ZNF138: variants seen among roughly 807,000 people sequenced by gnomAD.
ZNF138 encodes zinc finger protein 138 (clone pHZ-32).
In ZNF138, 33 loss-of-function variants were observed where a neutral mutation model predicts 33.0. That is an observed-to-expected ratio of 1.00 (90% CI 0.76 to 1.34). The LOEUF (loss-of-function observed/expected upper bound fraction) is 1.34. Ranked by LOEUF, ZNF138 falls within the 40% of genes most tolerant of loss-of-function variation. The probability of loss-of-function intolerance (pLI) is 0.00; values close to 1 mark genes in which losing one functional copy is unlikely to be tolerated. For missense variants in ZNF138, 360 were observed against 370.8 expected, an observed-to-expected ratio of 0.97 and a Z score of 0.24; for synonymous variants, 139 against 120.4, an observed-to-expected ratio of 1.15 and a Z score of -1.01.
chr7:64,796,454 CACTT>C (rs113266338), intron 1 of ZNF138, among the ~76,000 whole-genome samples: 43,164 of 151,788 alleles, frequency 0.28, 6,941 homozygotes, highest in Non-Finnish European at 0.35. Flanking sequence ...AAGATTTGTT[CACTT>C]ACTTCAGTGT....
At chr7:64,842,013 T>C in the ZNF138 span, among the ~76,000 whole-genome samples, 7 of 152,164 alleles carry the variant, frequency 4.6e-5, no homozygotes, top group Admixed American at 4.6e-4. Flanking sequence ...TTATTAAGAG[T>C]TAGTGGTGAG....
chr7:64,831,069 A>G (rs894324055), intron 3 of ZNF138: 2 of 1,551,314 alleles, frequency 1.3e-6, no homozygotes, highest in Non-Finnish European at 1.7e-6. Flanking sequence ...GAAGCCAGAA[A>G]TAAAGATGTA....
chr7:64,840,448 G>T, the ZNF138 span, among the ~76,000 whole-genome samples: 2 of 146,208 alleles, frequency 1.4e-5, no homozygotes, highest in Non-Finnish European at 1.5e-5. Context: ...CTCAATTTTT[G>T]TGTGTACATA....
chr7:64,802,546 A>G (rs893012940), intron 1 of ZNF138, among the ~76,000 whole-genome samples: 3 of 152,074 alleles, frequency 2.0e-5, no homozygotes, highest in African/African-American at 7.2e-5. Flanking sequence ...CTTGTCTCAT[A>G]ATGTTACGCC....
At chr7:64,822,464 T>A (rs1376251504) in intron 3 of ZNF138, among the ~76,000 whole-genome samples, 1 of 151,534 alleles carries the variant, frequency 6.6e-6, no homozygotes, top group African/African-American at 2.4e-5. Flanking sequence ...AAAAAAATAT[T>A]TTTTGTATGT....
rs1318442330 is a variant in ZNF138, at chr7:64,831,586, A to T, written c.344A>T (p.Asp115Val). The change falls in exon 4 of 4, where the codon GAT (aspartate) becomes GTT (valine). Residue 115 changes from aspartate to valine, a missense_variant. By Grantham distance (152) the Asp-to-Val change is radical. Transcript: ENST00000307355. ...TTAAGAAAAGGCTGTAAAAGTGTGG[A>T]TGAGTGTAAGGGACACCAAGGAGGT... ...LQLRKGCKSV[D>V]ECKGHQGGFN... 7 of 1,613,648 alleles carry T rather than the reference A, an allele frequency of 4.3e-6. No homozygotes were observed. Among genetic ancestry groups the T allele is most frequent in the Non-Finnish European group, 5.9e-6 (7 of 1,179,826 alleles).
At chr7:64,813,587 C>G (rs971475357) in intron 1 of ZNF138, among the ~76,000 whole-genome samples, 5 of 152,106 alleles carry the variant, frequency 3.3e-5, no homozygotes, top group Non-Finnish European at 7.4e-5. Flanking sequence ...GTGCCCGCCA[C>G]CACGCCCGGC....
At chr7:64,846,891 G>A in the ZNF138 span, among the ~76,000 whole-genome samples, 2 of 152,156 alleles carry the variant, frequency 1.3e-5, no homozygotes, top group Non-Finnish European at 2.9e-5. Flanking sequence ...TATGCTGGCA[G>A]TAGATTTGTC....
the ZNF138 span, among the ~76,000 whole-genome samples, chr7:64,847,332 A>ATTTTT: frequency 1.5e-4 from 19 of 128,130 alleles, no homozygotes; most frequent in Admixed American, 6.7e-4. Context: ...ATATATATAT[A>ATTTTT]TTTTTTTTTT....
At chr7:64,840,001 C>T in the ZNF138 span, among the ~76,000 whole-genome samples, 1 of 141,294 alleles carries the variant, frequency 7.1e-6, no homozygotes, top group Admixed American at 7.0e-5. Context: ...GGGGTAGGGG[C>T]GGGGTCGGTT....
chr7:64,839,310 G>C, the ZNF138 span, among the ~76,000 whole-genome samples: 4 of 152,110 alleles, frequency 2.6e-5, no homozygotes, highest in East Asian at 5.9e-4. Context: ...GCACCCTAAG[G>C]GGGTGTTTTG....
At chr7:64,830,988 A>C (rs1041650111) in intron 3 of ZNF138, 1 of 1,551,608 alleles carries the variant, frequency 6.4e-7, no homozygotes, top group Non-Finnish European at 8.7e-7. Flanking sequence ...TTGTCATTCC[A>C]AAGTATCCTG....
intron 1 of ZNF138, 33 bp from the exon 2 acceptor site, chr7:64,814,885 G>A (rs1488047788): frequency 3.9e-6 from 6 of 1,528,582 alleles, no homozygotes; most frequent in East Asian, 2.4e-5. Context: ...CTTGGTTAAT[G>A]TGTGTGTGTG....
intron 3 of ZNF138, chr7:64,831,086 A>T (rs756829149): frequency 9.7e-6 from 15 of 1,548,526 alleles, no homozygotes; most frequent in African/African-American, 1.4e-5. Flanking sequence ...TGTATGTGTT[A>T]TTATTTCTCT....
downstream of ZNF138, among the ~76,000 whole-genome samples, chr7:64,837,166 G>C (rs146145776): frequency 7.9e-5 from 12 of 152,268 alleles, no homozygotes; most frequent in African/African-American, 2.9e-4. Context: ...GGGGAGGGAA[G>C]TGACAGTCCA....
the ZNF138 span, among the ~76,000 whole-genome samples, chr7:64,845,927 T>C: frequency 7.2e-5 from 11 of 152,200 alleles, no homozygotes; most frequent in African/African-American, 2.7e-4. Flanking sequence ...CCATCTTGAG[T>C]TGATTTTTGT....
chr7:64,846,925 A>G, the ZNF138 span, among the ~76,000 whole-genome samples: 2 of 152,162 alleles, frequency 1.3e-5, no homozygotes, highest in Admixed American at 6.5e-5. Flanking sequence ...ATTTCATTAA[A>G]ATATATCTCT....
the ZNF138 span, among the ~76,000 whole-genome samples, chr7:64,839,295 A>G: frequency 6.6e-6 from 1 of 152,166 alleles, no homozygotes; most frequent in Non-Finnish European, 1.5e-5. Context: ...GAGGTTGCGC[A>G]GGAGGCACCC....
chr7:64,851,631 C>T, the ZNF138 span, among the ~76,000 whole-genome samples: 1 of 152,108 alleles, frequency 6.6e-6, no homozygotes, highest in South Asian at 2.1e-4. Context: ...GAGTATTATA[C>T]ATGAACCTCC....
Sources: allele counts gnomAD v4.1 joint callset (sites outside exome capture counted in the v4.1 genomes callset), GRCh38; gene constraint gnomAD v4.1.1; transcripts MANE v1.5; gene names NCBI Gene and HGNC (gene_info 2026-07-23, HGNC 2026-07-21).